The following PALM2AKAP2 variants were observed in gnomAD, a reference collection of about 807,000 sequenced individuals.
PALM2AKAP2 encodes PALM2-AKAP2 fusion protein.
PALM2AKAP2 carries 37 observed loss-of-function variants against 71.5 expected under a neutral mutation model. The observed-to-expected ratio is 0.52, with a 90% CI of 0.40 to 0.68. The LOEUF (loss-of-function observed/expected upper bound fraction) is 0.68, where lower values mean the gene tolerates loss of function less well. Ranked by LOEUF, PALM2AKAP2 falls within the 30% of genes least tolerant of loss-of-function variation. PALM2AKAP2 has a pLI of 0.00. For missense variants in PALM2AKAP2, 1,224 were observed against 1,191.8 expected, an observed-to-expected ratio of 1.03 and a Z score of -0.40; for synonymous variants, 468 against 478.8, an observed-to-expected ratio of 0.98 and a Z score of 0.29.
chr9:110,081,903 AATAG>A (rs1834457416), intron 1 of PALM2AKAP2, among the ~76,000 whole-genome samples: 1 of 152,002 alleles, frequency 6.6e-6, no homozygotes, highest in Non-Finnish European at 1.5e-5. Flanking sequence ...CACCATGCTA[AATAG>A]CCCCAGTTCC....
intron 1 of PALM2AKAP2, among the ~76,000 whole-genome samples, chr9:109,687,195 G>A (rs990940396): frequency 1.3e-5 from 2 of 152,128 alleles, no homozygotes; most frequent in Non-Finnish European, 2.9e-5. Context: ...TAGTCAATGA[G>A]CATTAGCCTC....
intron 6 of PALM2AKAP2, among the ~76,000 whole-genome samples, chr9:110,012,345 G>C (rs1479794206): frequency 1.3e-5 from 2 of 152,012 alleles, no homozygotes; most frequent in East Asian, 1.9e-4. Flanking sequence ...TTACCCCCTG[G>C]TAATTTCTTA....
chr9:110,042,687 C>T (rs1588073739), intron 7 of PALM2AKAP2, among the ~76,000 whole-genome samples: 1 of 152,276 alleles, frequency 6.6e-6, no homozygotes, highest in Non-Finnish European at 1.5e-5. Context: ...ATGCTCACCC[C>T]ACTATTTTTA....
intron 3 of PALM2AKAP2, among the ~76,000 whole-genome samples, chr9:109,908,080 T>C (rs1230237460): frequency 6.6e-6 from 1 of 152,226 alleles, no homozygotes; most frequent in Non-Finnish European, 1.5e-5. Flanking sequence ...TAGAACTATA[T>C]TGATTGAGCA....
chr9:110,118,452 T>C (rs1408459796), intron 1 of PALM2AKAP2, among the ~76,000 whole-genome samples: 2 of 152,102 alleles, frequency 1.3e-5, no homozygotes, highest in Non-Finnish European at 2.9e-5. Context: ...TTCGCAACGT[T>C]GGCCAGGCTG....
intron 7 of PALM2AKAP2, among the ~76,000 whole-genome samples, chr9:110,018,736 A>T (rs1833023727): frequency 6.6e-6 from 1 of 152,186 alleles, no homozygotes; most frequent in Non-Finnish European, 1.5e-5. Flanking sequence ...TGAATTTTCT[A>T]GGTGGATATA....
At chr9:109,778,768 A>ATTTT (rs34459734), upstream of PALM2AKAP2, among the ~76,000 whole-genome samples, 214 of 141,484 alleles carry the variant, frequency 1.5e-3, no homozygotes, top group East Asian at 6.4e-3. Flanking sequence ...TTTGATGTGC[A>ATTTT]TTTTTTTTTT....
intron 1 of PALM2AKAP2, among the ~76,000 whole-genome samples, chr9:109,826,335 G>A (rs536320493): frequency 6.6e-6 from 1 of 152,100 alleles, no homozygotes; most frequent in Non-Finnish European, 1.5e-5. Flanking sequence ...TGCACGTTGT[G>A]CACATGTACC....
intron 1 of PALM2AKAP2, among the ~76,000 whole-genome samples, chr9:109,718,456 TG>T (rs1828361103): frequency 6.6e-6 from 1 of 152,234 alleles, no homozygotes; most frequent in African/African-American, 2.4e-5. Flanking sequence ...ATTCCTTACT[TG>T]TTTACTTTGC....
chr9:109,971,230 C>T (rs1832058452), intron 6 of PALM2AKAP2, among the ~76,000 whole-genome samples: 1 of 147,648 alleles, frequency 6.8e-6, no homozygotes, highest in African/African-American at 2.5e-5. Flanking sequence ...ATGAATCCAT[C>T]TCCTTATCCA....
chr9:109,675,563 C>G (rs192043558), intron 1 of PALM2AKAP2, among the ~76,000 whole-genome samples: 1 of 152,152 alleles, frequency 6.6e-6, no homozygotes, highest in East Asian at 1.9e-4. Flanking sequence ...CTTTTTACTA[C>G]ATATTAACAA....
At chr9:110,001,383 TG>T (rs1433726920) in intron 6 of PALM2AKAP2, among the ~76,000 whole-genome samples, 2 of 152,222 alleles carry the variant, frequency 1.3e-5, no homozygotes, top group Non-Finnish European at 2.9e-5. Flanking sequence ...ATCTCTGTTT[TG>T]GTACCAGTAC....
intron 1 of PALM2AKAP2, among the ~76,000 whole-genome samples, chr9:109,789,099 G>T (rs555985682): frequency 1.3e-5 from 2 of 152,334 alleles, no homozygotes; most frequent in South Asian, 4.1e-4. Context: ...GAGAGAGTTT[G>T]CCTGGGATTG....
intron 1 of PALM2AKAP2, among the ~76,000 whole-genome samples, chr9:110,120,283 T>C (rs942500517): frequency 6.6e-6 from 1 of 152,236 alleles, no homozygotes. Context: ...TGAGATACCA[T>C]GCCTGAGGCA....
intron 1 of PALM2AKAP2, among the ~76,000 whole-genome samples, chr9:110,113,235 GTTT>G (rs1366004537): frequency 7.8e-6 from 1 of 127,966 alleles, no homozygotes; most frequent in East Asian, 2.6e-4. Context: ...TTTTGTTTTT[GTTT>G]TTTTCTTTTT....
At chr9:109,741,181 T>A (rs1777868545) in intron 1 of PALM2AKAP2, among the ~76,000 whole-genome samples, 1 of 152,186 alleles carries the variant, frequency 6.6e-6, no homozygotes, top group South Asian at 2.1e-4. Flanking sequence ...GTGTTCTGAT[T>A]TCTATCACTA....
chr9:109,678,606 G>T (rs190892605), intron 1 of PALM2AKAP2, among the ~76,000 whole-genome samples: 12 of 152,122 alleles, frequency 7.9e-5, no homozygotes, highest in African/African-American at 2.7e-4. Context: ...GTTTTGGGGG[G>T]TGCATCCTTA....
At chr9:109,698,271 C>CTTTTTTT (rs1564117062) in intron 1 of PALM2AKAP2, among the ~76,000 whole-genome samples, 1 of 137,572 alleles carries the variant, frequency 7.3e-6, no homozygotes, top group African/African-American at 3.0e-5. Context: ...ATGTGTGCTA[C>CTTTTTTT]ATTTTTTTTT....
intron 3 of PALM2AKAP2, among the ~76,000 whole-genome samples, chr9:109,905,499 A>T (rs1452362367): frequency 6.6e-6 from 1 of 152,270 alleles, no homozygotes; most frequent in African/African-American, 2.4e-5. Context: ...AGAGAATGCA[A>T]CGACTGTGCC....
Sources: allele counts gnomAD v4.1 joint callset (sites outside exome capture counted in the v4.1 genomes callset), GRCh38; gene constraint gnomAD v4.1.1; transcripts MANE v1.5; gene names NCBI Gene and HGNC (gene_info 2026-07-23, HGNC 2026-07-21).